Variants in GYPC observed in about 807,000 individuals in gnomAD.
GYPC encodes glycophorin C (Gerbich blood group).
Under a neutral mutation model 12.6 loss-of-function variants are expected in GYPC, and 14 were observed. That is an observed-to-expected ratio of 1.11 (90% CI 0.74 to 1.74). The LOEUF (loss-of-function observed/expected upper bound fraction) is 1.74, where lower values mean the gene tolerates loss of function less well. GYPC is among the 40% of genes most tolerant of loss of function. The pLI is 0.00. For synonymous variants in GYPC, 78 were observed against 62.1 expected, an observed-to-expected ratio of 1.26 and a Z score of -1.20; for missense variants, 225 against 172.1, an observed-to-expected ratio of 1.31 and a Z score of -1.72.
intron 1 of GYPC, among the ~76,000 whole-genome samples, chr2:126,666,875 C>T (rs1489758660): frequency 6.6e-6 from 1 of 152,118 alleles, no homozygotes; most frequent in South Asian, 2.1e-4. Context: ...GGATCTGGTT[C>T]GGGACAGGGC....
intron 1 of GYPC, 91 bp downstream of exon 1, chr2:126,656,403 T>A: frequency 8.7e-7 from 1 of 1,154,668 alleles, no homozygotes; most frequent in Non-Finnish European, 1.3e-6. Context: ...ACGGACGCCC[T>A]GGTGTCCCGG....
intron 1 of GYPC, among the ~76,000 whole-genome samples, chr2:126,669,629 T>C (rs1682784821): frequency 6.6e-6 from 1 of 152,222 alleles, no homozygotes; most frequent in Non-Finnish European, 1.5e-5. Context: ...AGGATATTTT[T>C]AAACAATTTA....
chr2:126,659,701 G>A (rs905279356), intron 1 of GYPC, among the ~76,000 whole-genome samples: 4 of 152,162 alleles, frequency 2.6e-5, no homozygotes, highest in Non-Finnish European at 5.9e-5. Flanking sequence ...CTTAGATGCC[G>A]AGCCCTGGTA....
At position 126,696,371 on chromosome 2, in the gene GYPC, G is replaced by A; in HGVS notation, c.*229G>A. ...CCAGGGAGGCGATGGCCACCCCAGA[G>A]GCCACCTTTTGCTCCACGGAGGTGG... On this transcript the variant is annotated 3_prime_UTR_variant, in exon 4 of 4. Coordinates refer to ENST00000259254, the MANE Select transcript of GYPC (RefSeq NM_002101.5). 1 of 540,870 alleles carries A rather than the reference G, an allele frequency of 1.8e-6. No individual in the cohort carries two copies. The highest frequency in any genetic ancestry group is 5.0e-4 in the Middle Eastern group (1 of 1,984). The allele number at this position is 540,870 out of a possible 1,614,324, so 33.5% of individuals were successfully genotyped here. A position where few individuals can be genotyped will look rare whatever the true frequency, so the allele number is the denominator to read the frequency against.
At chr2:126,677,859 G>A (rs751810055) in intron 1 of GYPC, among the ~76,000 whole-genome samples, 2 of 152,180 alleles carry the variant, frequency 1.3e-5, no homozygotes, top group African/African-American at 2.4e-5. Context: ...TTTTTGGAAA[G>A]AGCCATTTGT....
intron 2 of GYPC, among the ~76,000 whole-genome samples, chr2:126,690,543 G>T (rs1192371506): frequency 3.9e-5 from 6 of 152,106 alleles, no homozygotes; most frequent in Non-Finnish European, 8.8e-5. Flanking sequence ...ATATACATAG[G>T]TATGTCATAT....
chr2:126,688,064 G>A (rs1683341752), intron 1 of GYPC, among the ~76,000 whole-genome samples: 1 of 152,204 alleles, frequency 6.6e-6, no homozygotes, highest in African/African-American at 2.4e-5. Context: ...GGAAAATGGG[G>A]CTAATAATAA....
intron 1 of GYPC, among the ~76,000 whole-genome samples, chr2:126,664,202 CAT>C (rs1491125186): frequency 2.0e-5 from 3 of 151,920 alleles, no homozygotes; most frequent in South Asian, 2.1e-4. Flanking sequence ...AAAAAATTTT[CAT>C]AGTCTTTTTT....
chr2:126,677,454 A>C (rs369950262), intron 1 of GYPC, among the ~76,000 whole-genome samples: 1 of 145,292 alleles, frequency 6.9e-6, no homozygotes, highest in African/African-American at 2.6e-5. Context: ...TGTGTGTATA[A>C]GAGTGTGACA....
intron 1 of GYPC, among the ~76,000 whole-genome samples, chr2:126,671,137 C>T (rs1401351928): frequency 2.6e-5 from 4 of 152,162 alleles, no homozygotes; most frequent in South Asian, 2.1e-4. Context: ...CCTGGGCCCA[C>T]GAGAAGAGCA....
At chr2:126,659,549 C>A (rs1682473121) in intron 1 of GYPC, among the ~76,000 whole-genome samples, 1 of 152,198 alleles carries the variant, frequency 6.6e-6, no homozygotes, top group Non-Finnish European at 1.5e-5. Context: ...AGGGCCTGGA[C>A]CTGCTCCCAG....
At chr2:126,657,751 A>T (rs1191434682) in intron 1 of GYPC, 5 of 152,392 alleles carry the variant, frequency 3.3e-5, no homozygotes, top group African/African-American at 1.2e-4. Context: ...CAGCCCAAGC[A>T]GTTCTCCAGG....
chr2:126,686,665 C>T lies in GYPC; in HGVS notation c.50-3590C>T, dbSNP rs559873406. 46 of 984,994 alleles carry T rather than the reference C, an allele frequency of 4.7e-5. No individual in the cohort carries two copies. The South Asian group carries it at 1.6e-3, about 35-fold the overall frequency. The allele number at this position is 984,994 out of a possible 1,614,324, so 61.0% of individuals were successfully genotyped here. On this transcript the variant is annotated intron_variant, in intron 1 of 3. Transcript: ENST00000259254. The stretch of plus-strand genomic sequence containing the variant: ...TGTCTGGTAGGGTGTTGCAGGGGGC[C>T]GGGGGGACCTTGCAACCTGGAGGAG...
intron 1 of GYPC, among the ~76,000 whole-genome samples, chr2:126,681,045 TC>T (rs889113349): frequency 6.6e-6 from 1 of 152,198 alleles, no homozygotes; most frequent in African/African-American, 2.4e-5. Context: ...TGAAGATTCA[TC>T]CCCGTTTCTT....
At chr2:126,660,578 C>T (rs939993480) in intron 1 of GYPC, among the ~76,000 whole-genome samples, 30 of 152,148 alleles carry the variant, frequency 2.0e-4, no homozygotes, top group Non-Finnish European at 3.8e-4. Flanking sequence ...TCTGACCTCT[C>T]CAGGGGCTCT....
At position 126,696,009 on chromosome 2, in the gene GYPC, A is replaced by G; in HGVS notation, c.254A>G (p.Tyr85Cys). Residue 85 changes from tyrosine to cysteine, a missense_variant, in exon 4 of 4, where the codon TAC becomes TGC. By Grantham distance (194) the Tyr-to-Cys change is radical. Transcript: ENST00000259254. ...SLLFVMLRYM[Y>C]RHKGTYHTNE... ...CTCTTCGTCATGCTGCGCTACATGT[A>G]CCGGCACAAGGGCACGTACCACACC... 6.2e-7 allele frequency: 1 copy of G among 1,614,106 alleles called. No homozygotes were observed.
chr2:126,673,964 G>C (rs1472518422), intron 1 of GYPC, among the ~76,000 whole-genome samples: 1 of 152,196 alleles, frequency 6.6e-6, no homozygotes, highest in East Asian at 1.9e-4. Context: ...TCCAGAGCAG[G>C]ACTGTGGTGC....
chr2:126,685,797 T>G, intron 1 of GYPC: 1 of 985,186 alleles, frequency 1.0e-6, no homozygotes, highest in Non-Finnish European at 1.2e-6. Context: ...TGCTGCTGCA[T>G]CACTGTCATC....
intron 1 of GYPC, among the ~76,000 whole-genome samples, chr2:126,671,662 C>T (rs939659868): frequency 6.6e-6 from 1 of 152,218 alleles, no homozygotes; most frequent in Non-Finnish European, 1.5e-5. Flanking sequence ...GGCCTGGGAG[C>T]TCAGATTCCA....
Sources: gnomAD v4.1 joint callset for allele counts (sites outside exome capture counted in the v4.1 genomes callset) on GRCh38, gnomAD v4.1.1 for gene constraint, MANE v1.5 for transcripts, NCBI Gene and HGNC (gene_info 2026-07-23, HGNC 2026-07-21) for gene names.